Variants in LCOR observed in about 807,000 individuals in gnomAD.
LCOR encodes ligand dependent nuclear receptor corepressor.
Under a neutral mutation model 64.4 loss-of-function variants are expected in LCOR, and 14 were observed. That is an observed-to-expected ratio of 0.22 (90% CI 0.14 to 0.34). The LOEUF (loss-of-function observed/expected upper bound fraction) is 0.34. LCOR is among the 10% of genes least tolerant of loss of function. LCOR has a pLI of 1.00. For missense variants in LCOR, 1,686 were observed against 1,765.3 expected, an observed-to-expected ratio of 0.96 and a Z score of 0.80; for synonymous variants, 643 against 642.5, an observed-to-expected ratio of 1.00 and a Z score of -0.01.
intron 5 of LCOR, among the ~76,000 whole-genome samples, chr10:96,948,495 A>G (rs1218373986): frequency 6.6e-6 from 1 of 152,226 alleles, no homozygotes; most frequent in African/African-American, 2.4e-5. Flanking sequence ...TGTGAGAATG[A>G]TTGCCCTAGC....
chr10:96,975,136 A>C (rs1194628828), intron 7 of LCOR, among the ~76,000 whole-genome samples: 1 of 152,186 alleles, frequency 6.6e-6, no homozygotes, highest in Non-Finnish European at 1.5e-5. Context: ...GTGTCACTGC[A>C]CTCCAGCCTG....
At chr10:96,951,830 G>A (rs1192305778) in intron 6 of LCOR, among the ~76,000 whole-genome samples, 1 of 152,084 alleles carries the variant, frequency 6.6e-6, no homozygotes, top group Non-Finnish European at 1.5e-5. Flanking sequence ...GCTATTTCTA[G>A]TATTTCACTA....
At chr10:96,888,798 G>A (rs965359279) in intron 2 of LCOR, among the ~76,000 whole-genome samples, 1 of 152,138 alleles carries the variant, frequency 6.6e-6, no homozygotes, top group Non-Finnish European at 1.5e-5. Context: ...ACCTCAAGAA[G>A]TTCCCTGTGC....
intron 2 of LCOR, among the ~76,000 whole-genome samples, chr10:96,836,315 T>C (rs1177676229): frequency 6.6e-6 from 1 of 152,082 alleles, no homozygotes; most frequent in Non-Finnish European, 1.5e-5. Flanking sequence ...AGAGACAGGG[T>C]TTGGCTATGT....
rs189775228 is a variant in LCOR, at chr10:96,974,708, C to T, written c.333-6085C>T. ...AGGGTTTGTTACAAATCTAAGGTCTCGGAAAAATTGAATAACTAGAAGCAA... is the reference window on the plus strand; with the variant it reads ...AGGGTTTGTTACAAATCTAAGGTCTTGGAAAAATTGAATAACTAGAAGCAA... On this transcript the variant is annotated intron_variant, in intron 7 of 7. Transcript: ENST00000421806. Among the ~76,000 whole-genome samples, 14 of 151,834 alleles carry T rather than the reference C, an allele frequency of 9.2e-5. No individual in the cohort carries two copies. In the East Asian group the frequency reaches 2.7e-3, roughly 29 times the overall value.
intron 2 of LCOR, among the ~76,000 whole-genome samples, chr10:96,893,712 A>G (rs1287241896): frequency 1.3e-5 from 2 of 151,758 alleles, no homozygotes; most frequent in Non-Finnish European, 2.9e-5. Context: ...GCAGTAAGCC[A>G]AGATCGCGCC....
chr10:96,863,205 T>A (rs1456110054), intron 2 of LCOR, among the ~76,000 whole-genome samples: 1 of 139,240 alleles, frequency 7.2e-6, no homozygotes, highest in Admixed American at 7.2e-5. Context: ...TTTCTTTTTC[T>A]GTTTTTTTTT....
At chr10:96,924,375 T>TTTTGTTTGTTTG (rs72393708) in intron 4 of LCOR, among the ~76,000 whole-genome samples, 2 of 149,738 alleles carry the variant, frequency 1.3e-5, no homozygotes, top group Non-Finnish European at 3.0e-5. Flanking sequence ...GCCAATTTGT[T>TTTTGTTTGTTTG]TTTGTTTGTT....
At chr10:96,909,397 A>G (rs1228490589) in intron 4 of LCOR, among the ~76,000 whole-genome samples, 6 of 152,270 alleles carry the variant, frequency 3.9e-5, no homozygotes, top group African/African-American at 1.4e-4. Context: ...CTTAAGCCCC[A>G]TCGTTCCTCT....
At chr10:96,838,814 A>G (rs1845490583) in intron 2 of LCOR, among the ~76,000 whole-genome samples, 2 of 152,162 alleles carry the variant, frequency 1.3e-5, no homozygotes, top group South Asian at 4.1e-4. Context: ...TTGTGTGGAC[A>G]TTTGTTTTTA....
At chr10:96,951,297 C>T (rs1245870959) in intron 6 of LCOR, among the ~76,000 whole-genome samples, 1 of 152,046 alleles carries the variant, frequency 6.6e-6, no homozygotes, top group African/African-American at 2.4e-5. Flanking sequence ...GTGATTTGGT[C>T]TAGTTGTAGT....
chr10:96,877,176 C>A (rs1369879246), intron 2 of LCOR, among the ~76,000 whole-genome samples: 2 of 152,076 alleles, frequency 1.3e-5, no homozygotes, highest in Admixed American at 6.6e-5. Flanking sequence ...AAAAAAATGG[C>A]TACAATGGAT....
chr10:96,902,829 A>G (rs753308940), intron 2 of LCOR, among the ~76,000 whole-genome samples: 2 of 152,182 alleles, frequency 1.3e-5, no homozygotes, highest in Non-Finnish European at 2.9e-5. Context: ...TAATACAGTC[A>G]TGTGTTGCTT....
In LCOR at chr10:96,982,389, G is replaced by A; in HGVS notation, c.1929G>A (p.Gly643=). 3 of 1,614,198 alleles carry A rather than the reference G, an allele frequency of 1.9e-6. No individual in the cohort carries two copies. Among genetic ancestry groups the A allele is most frequent in the South Asian group, 2.2e-5 (2 of 91,086 alleles). Residue 643 remains glycine, a synonymous_variant, in exon 8 of 8, where the codon GGG becomes GGA. Transcript: ENST00000421806. Reference sequence around the variant, plus strand: ...CAGTCTCAGCTCCCACAGCAAGTGGGATGTCTTCTCCTGAACACAACCAAC... The same window carrying A: ...CAGTCTCAGCTCCCACAGCAAGTGGAATGTCTTCTCCTGAACACAACCAAC... The part of the protein sequence containing the change: ...GSTVSAPTAS[G]MSSPEHNQPP...
intron 5 of LCOR, among the ~76,000 whole-genome samples, chr10:96,945,603 TA>T (rs1414740529): frequency 1.3e-5 from 2 of 152,142 alleles, no homozygotes; most frequent in Non-Finnish European, 2.9e-5. Context: ...ATCTGATTGT[TA>T]AAAGCAAATT....
chr10:96,942,177 C>G (rs1168870975), intron 4 of LCOR, among the ~76,000 whole-genome samples: 1 of 140,754 alleles, frequency 7.1e-6, no homozygotes, highest in South Asian at 2.3e-4. Context: ...AACGAGACTC[C>G]GTCTGCAATC....
chr10:96,959,036 A>G (rs1464501690), intron 7 of LCOR: 2 of 151,586 alleles, frequency 1.3e-5, no homozygotes, highest in African/African-American at 4.9e-5. Flanking sequence ...TTTTGTGTTC[A>G]GAGTTCCATT....
Position 96,867,220 on chromosome 10 carries a change from C to G in LCOR, c.-330+33741C>G, listed in dbSNP as rs188624802. Among the ~76,000 whole-genome samples the G allele has an allele frequency of 4.8e-4, 73 of 151,978 alleles. 1 individual carries two copies. The highest frequency in any genetic ancestry group is 2.2e-4 in the Non-Finnish European group (15 of 67,944). ...GTTGGTCAGGCTGATGTCGAACTCC[C>G]GACCTCAGGTGATCCACCCGTCTCC... On this transcript the variant is annotated intron_variant, in intron 2 of 7. Coordinates refer to ENST00000421806, the MANE Select transcript of LCOR (RefSeq NM_001346516.2).
intron 2 of LCOR, among the ~76,000 whole-genome samples, chr10:96,842,162 G>A (rs911770365): frequency 6.6e-6 from 1 of 152,052 alleles, no homozygotes; most frequent in Non-Finnish European, 1.5e-5. Context: ...TTGGGAGGCC[G>A]AGGCGGGTGG....
Sources: allele counts gnomAD v4.1 joint callset (sites outside exome capture counted in the v4.1 genomes callset), GRCh38; gene constraint gnomAD v4.1.1; transcripts MANE v1.5; gene names NCBI Gene and HGNC (gene_info 2026-07-23, HGNC 2026-07-21).